Variants in CPED1 observed in about 807,000 individuals in gnomAD.
The protein encoded by CPED1 is cadherin like and PC-esterase domain containing 1.
A neutral mutation model predicts 128.2 loss-of-function variants in CPED1; 114 were observed. That is an observed-to-expected ratio of 0.89 (90% CI 0.76 to 1.04). The LOEUF is 1.04. Among genes scored for constraint, CPED1 ranks in the 50% least tolerant of loss-of-function variants. The probability of loss-of-function intolerance (pLI) is 0.00; values close to 1 mark genes in which losing one functional copy is unlikely to be tolerated. For synonymous variants in CPED1, 462 were observed against 426.7 expected (o/e 1.08, Z -1.02); for missense variants, 1,211 against 1,207.1 (o/e 1.00, Z -0.05).
chr7:121,063,558 G>C (rs1793741824), intron 4 of CPED1, among the ~76,000 whole-genome samples: 1 of 152,034 alleles, frequency 6.6e-6, no homozygotes, highest in African/African-American at 2.4e-5. Flanking sequence ...TAATTTGAAA[G>C]TAATCAATAT....
At chr7:121,251,944 A>G (rs1209554204) in intron 18 of CPED1, among the ~76,000 whole-genome samples, 1 of 151,952 alleles carries the variant, frequency 6.6e-6, no homozygotes, top group Admixed American at 6.6e-5. Flanking sequence ...GACTTTCTTC[A>G]AAGAATTGGA....
chr7:120,990,000 A>G (rs1796284387), intron 2 of CPED1, 130 bp downstream of exon 2: 5 of 1,073,440 alleles, frequency 4.7e-6, no homozygotes, highest in Non-Finnish European at 6.7e-6. Context: ...CAGCCTAGAG[A>G]GTGACCTGAT....
In CPED1 at chr7:121,099,908, G is replaced by GTTT; in HGVS notation, c.750-5_750-3dup. ...CCCTACATTATGGAGCGCTAACTAT[G>GTTT]TTTTTTTTTTTTTTTAGGAATGAAA... is the stretch of plus-strand genomic sequence containing the variant. On this transcript the variant is annotated splice_polypyrimidine_tract_variant and intron_variant, in intron 6 of 22. Transcript: ENST00000310396. The GTTT allele has an allele frequency of 7.4e-6, 11 of 1,495,566 alleles. No individual in the cohort carries two copies. The highest frequency in any genetic ancestry group is 3.6e-5 in the South Asian group (3 of 84,254). 92.6% of individuals were successfully genotyped at this position (1,495,566 alleles called of 1,614,324 possible). A position where few individuals can be genotyped will look rare whatever the true frequency, so the allele number is the denominator to read the frequency against.
intron 4 of CPED1, among the ~76,000 whole-genome samples, chr7:121,063,609 C>T (rs1793743671): frequency 6.6e-6 from 1 of 152,068 alleles, no homozygotes; most frequent in African/African-American, 2.4e-5. Flanking sequence ...TTATACTGAT[C>T]TGTTGGTTTT....
intron 18 of CPED1, among the ~76,000 whole-genome samples, chr7:121,256,111 C>CAA (rs1286167648): frequency 0.042 from 1,391 of 32,846 alleles, 28 homozygotes; most frequent in Middle Eastern, 0.12. Context: ...CAATCCTAAG[C>CAA]AAAAAAAAAA....
At chr7:121,266,206 T>C in intron 18 of CPED1, 21 bp from the exon 19 acceptor site, 1 of 1,561,060 alleles carries the variant, frequency 6.4e-7, no homozygotes, top group Non-Finnish European at 8.8e-7. Flanking sequence ...TTTAAACAAA[T>C]GCTTTCTCTT....
At chr7:121,095,508 A>G (rs981025731) in intron 5 of CPED1, among the ~76,000 whole-genome samples, 1 of 152,034 alleles carries the variant, frequency 6.6e-6, no homozygotes, top group African/African-American at 2.4e-5. Flanking sequence ...TAGAATAATA[A>G]AAAGTAACAT....
intron 17 of CPED1, among the ~76,000 whole-genome samples, chr7:121,240,850 A>G (rs1342670504): frequency 6.6e-6 from 1 of 151,542 alleles, no homozygotes; most frequent in Admixed American, 6.6e-5. Flanking sequence ...GTGATGCTAC[A>G]CAGCCACTCA....
intron 5 of CPED1, among the ~76,000 whole-genome samples, chr7:121,093,397 TACACACACACACAC>T (rs10526224): frequency 1.3e-4 from 19 of 145,568 alleles, no homozygotes; most frequent in Admixed American, 9.0e-4. Flanking sequence ...CCTTTTTCTG[TACACACACACACAC>T]ACACACACAC....
chr7:121,007,190 A>G (rs1209567881), intron 2 of CPED1, among the ~76,000 whole-genome samples: 3 of 146,578 alleles, frequency 2.0e-5, no homozygotes, highest in Non-Finnish European at 3.0e-5. Context: ...ATGATTCTAC[A>G]TTTGCTGGAG....
At chr7:121,138,779 G>A (rs909421376) in intron 14 of CPED1, among the ~76,000 whole-genome samples, 8 of 151,950 alleles carry the variant, frequency 5.3e-5, no homozygotes, top group African/African-American at 1.7e-4. Context: ...AGAAAAGTGC[G>A]ACTGTTTCTA....
chr7:121,021,732 C>T (rs940659822), intron 3 of CPED1, among the ~76,000 whole-genome samples: 7 of 152,064 alleles, frequency 4.6e-5, no homozygotes, highest in South Asian at 2.1e-4. Flanking sequence ...TTGGTATTCT[C>T]ATCTACAAGT....
Position 121,267,217 on chromosome 7 carries a change from A to G in CPED1, c.2636A>G (p.Glu879Gly). 1.9e-6 allele frequency: 3 copies of G among 1,549,304 alleles called. No individual in the cohort carries two copies. The highest frequency in any genetic ancestry group is 2.7e-6 in the Non-Finnish European group (3 of 1,129,852). Residue 879 changes from glutamate (E) to glycine (G), a missense_variant and splice_region_variant, in exon 21 of 23, where the codon GAA becomes GGA. Physicochemically the swap from Glu to Gly is moderately conservative, Grantham distance 98. Coordinates refer to ENST00000310396, the MANE Select transcript of CPED1 (RefSeq NM_024913.5). Reference protein sequence around the residue: ...LQIIHKVLKRENLLNILVIIK... With the variant: ...LQIIHKVLKRGNLLNILVIIK... ...AGAATTATAATTATCTCATTCAGGG[A>G]AAATTTACTCAATATCCTAGTGATC... is the stretch of plus-strand genomic sequence containing the variant.
intron 14 of CPED1, 48 bp from the exon 15 acceptor site, chr7:121,140,779 T>G: frequency 7.6e-7 from 1 of 1,315,992 alleles, no homozygotes; most frequent in Non-Finnish European, 1.1e-6. Flanking sequence ...TTAAAGATAT[T>G]TACCCACTTC....
chr7:121,034,546 G>T (rs975627126), intron 3 of CPED1, among the ~76,000 whole-genome samples: 1 of 151,918 alleles, frequency 6.6e-6, no homozygotes, highest in Non-Finnish European at 1.5e-5. Context: ...GCGCCTGGCC[G>T]ACATCAAGTA....
At chr7:121,064,119 GGT>G (rs1050481431) in intron 4 of CPED1, 117 bp from the exon 5 acceptor site, 2 of 643,886 alleles carry the variant, frequency 3.1e-6, no homozygotes, top group Admixed American at 4.5e-5. Flanking sequence ...TTGAAGGTGG[GGT>G]GTGGGTGGTT....
chr7:121,081,224 A>G (rs1794285940), intron 5 of CPED1, among the ~76,000 whole-genome samples: 1 of 152,180 alleles, frequency 6.6e-6, no homozygotes. Flanking sequence ...TCAAAATGAG[A>G]GTTGCAGCAA....
chr7:121,271,569 A>G, intron 22 of CPED1, 139 bp downstream of exon 22: 2 of 832,122 alleles, frequency 2.4e-6, no homozygotes, highest in Non-Finnish European at 3.7e-6. Context: ...TATGTTCATC[A>G]TCATTCAGCC....
At chr7:121,013,922 A>G (rs1474531958) in intron 2 of CPED1, among the ~76,000 whole-genome samples, 1 of 152,240 alleles carries the variant, frequency 6.6e-6, no homozygotes, top group African/African-American at 2.4e-5. Flanking sequence ...TGTACCATAT[A>G]TCATGTCTTG....
Sources: allele counts gnomAD v4.1 joint callset (sites outside exome capture counted in the v4.1 genomes callset), GRCh38; gene constraint gnomAD v4.1.1; transcripts MANE v1.5; gene names NCBI Gene and HGNC (gene_info 2026-07-23, HGNC 2026-07-21).